PCDHGA9: variants seen among roughly 807,000 people sequenced by gnomAD.
The protein encoded by PCDHGA9 is protocadherin gamma subfamily A, 9.
A neutral mutation model predicts 62.5 loss-of-function variants in PCDHGA9; 37 were observed. The ratio of observed to expected loss-of-function variants is 0.59; its 90% CI spans 0.46 to 0.78. The LOEUF is 0.78. Among genes scored for constraint, PCDHGA9 ranks in the 30% least tolerant of loss-of-function variants. The pLI is 0.00. For synonymous variants in PCDHGA9, 459 were observed against 484.6 expected, an observed-to-expected ratio of 0.95 and a Z score of 0.69; for missense variants, 1,138 against 1,166.2, an observed-to-expected ratio of 0.98 and a Z score of 0.35.
intron 1 of PCDHGA9, among the ~76,000 whole-genome samples, chr5:141,457,984 A>G (rs1210742359): frequency 2.0e-5 from 3 of 152,226 alleles, no homozygotes; most frequent in Non-Finnish European, 1.5e-5. Context: ...ACACCCTTTC[A>G]GTTAAAGCCT....
chr5:141,418,821 C>G (rs750200042), intron 1 of PCDHGA9: 1 of 1,613,846 alleles, frequency 6.2e-7, no homozygotes, highest in Non-Finnish European at 8.5e-7. Flanking sequence ...AACATAGAAG[C>G]AAAAGACCGA....
chr5:141,442,898 TCTC>T (rs1427810429), intron 1 of PCDHGA9, among the ~76,000 whole-genome samples: 14 of 152,222 alleles, frequency 9.2e-5, no homozygotes, highest in Admixed American at 9.2e-4. Context: ...GCTTATCACT[TCTC>T]CTTCAGCACA....
chr5:141,410,714 T>C (rs1561730445), intron 1 of PCDHGA9: 7 of 1,434,512 alleles, frequency 4.9e-6, no homozygotes, highest in Middle Eastern at 1.8e-4. Flanking sequence ...TAGAATCATA[T>C]GTTTAAAATC....
At position 141,511,520 on chromosome 5, in the gene PCDHGA9, A is replaced by C; in HGVS notation, c.*347A>C. On this transcript the variant is annotated 3_prime_UTR_variant, in exon 4 of 4. Coordinates refer to ENST00000573521, the MANE Select transcript of PCDHGA9 (RefSeq NM_018921.3). Reference sequence around the variant, plus strand: ...CAAATCAATCAGGCCCATCCATCCCATGCCTCCCTCCTCCCCACCCCACTC... The same window carrying C: ...CAAATCAATCAGGCCCATCCATCCCCTGCCTCCCTCCTCCCCACCCCACTC... The C allele has an allele frequency of 2.8e-6, 1 of 358,498 alleles. No homozygotes were observed. Among genetic ancestry groups the C allele is most frequent in the Non-Finnish European group, 5.3e-6 (1 of 189,848 alleles). 22.2% of individuals were successfully genotyped at this position (358,498 alleles called of 1,614,324 possible).
chr5:141,494,996 C>A (rs2099758091), intron 2 of PCDHGA9, 131 bp downstream of exon 2: 2 of 1,539,742 alleles, frequency 1.3e-6, no homozygotes, highest in African/African-American at 1.4e-5. Context: ...CCAGGGAGGT[C>A]TTGGTGTGCG....
intron 1 of PCDHGA9, among the ~76,000 whole-genome samples, chr5:141,466,570 T>C (rs967163331): frequency 6.6e-6 from 1 of 152,202 alleles, no homozygotes; most frequent in East Asian, 1.9e-4. Flanking sequence ...TCTTCAACAT[T>C]GTCTCATCCC....
intron 1 of PCDHGA9, chr5:141,413,874 T>C: frequency 6.2e-7 from 1 of 1,613,424 alleles, no homozygotes; most frequent in Non-Finnish European, 8.5e-7. Context: ...TCCTTGTCAG[T>C]GTGACTGTCT....
intron 1 of PCDHGA9, chr5:141,413,141 G>A: frequency 1.3e-6 from 2 of 1,564,906 alleles, no homozygotes; most frequent in Non-Finnish European, 1.7e-6. Context: ...AACGTGTCCA[G>A]TGAGGACTTT....
intron 1 of PCDHGA9, among the ~76,000 whole-genome samples, chr5:141,492,482 A>G (rs1339196127): frequency 6.6e-6 from 1 of 152,182 alleles, no homozygotes; most frequent in Non-Finnish European, 1.5e-5. Context: ...GCGGCCGCCC[A>G]GGACCAGGCG....
intron 1 of PCDHGA9, chr5:141,414,628 A>T (rs1471507988): frequency 4.3e-6 from 7 of 1,613,900 alleles, no homozygotes; most frequent in Non-Finnish European, 5.9e-6. Flanking sequence ...GGACCCGGAC[A>T]GCAAAGAGAA....
chr5:141,417,704 A>G, intron 1 of PCDHGA9: 2 of 1,207,460 alleles, frequency 1.7e-6, no homozygotes, highest in Non-Finnish European at 1.1e-6. Context: ...GCTCCCACAC[A>G]GAGGCTCCCG....
At chr5:141,500,145 T>C (rs2099796736) in intron 2 of PCDHGA9, among the ~76,000 whole-genome samples, 2 of 151,992 alleles carry the variant, frequency 1.3e-5, no homozygotes, top group East Asian at 3.9e-4. Context: ...TAAACTTTTC[T>C]TTGTGTAATC....
Position 141,486,772 on chromosome 5 carries a change from T to A in PCDHGA9, c.2425-8035T>A. ...ATGAGCAAACCCAGACACTGCAGTT[T>A]GAGGTGCAGGCCCGGGATCGGGGCA... is the stretch of plus-strand genomic sequence containing the variant. On this transcript the variant is annotated intron_variant, in intron 1 of 3. Coordinates refer to ENST00000573521, the MANE Select transcript of PCDHGA9 (RefSeq NM_018921.3). The surrounding 1 kb of genome is among the most constrained non-coding windows in gnomAD (Gnocchi z 5.0). 1 of 1,614,246 alleles carries A rather than the reference T, an allele frequency of 6.2e-7. No homozygotes were observed. Among genetic ancestry groups the A allele is most frequent in the South Asian group, 1.1e-5 (1 of 91,088 alleles).
At chr5:141,481,180 T>C (rs1354907506) in intron 1 of PCDHGA9, among the ~76,000 whole-genome samples, 1 of 152,236 alleles carries the variant, frequency 6.6e-6, no homozygotes, top group Admixed American at 6.5e-5. Flanking sequence ...CCAGCTTTAT[T>C]GGGCCAGGCC....
chr5:141,473,382 C>A (rs780229708), intron 1 of PCDHGA9, among the ~76,000 whole-genome samples: 12 of 152,190 alleles, frequency 7.9e-5, no homozygotes, highest in Non-Finnish European at 1.8e-4. Context: ...TGGTCCCTGC[C>A]CTCCTGGAGC....
chr5:141,494,677 TGCCCCCTCTTA>T, intron 1 of PCDHGA9, 119 bp from the exon 2 acceptor site: 5 of 1,552,906 alleles, frequency 3.2e-6, no homozygotes, highest in Non-Finnish European at 4.4e-6. Flanking sequence ...AGTCCACCCC[TGCCCCCTCTTA>T]GTCCGTTTTC....
intron 1 of PCDHGA9, among the ~76,000 whole-genome samples, chr5:141,447,047 T>C (rs529082157): frequency 1.3e-5 from 2 of 152,342 alleles, no homozygotes; most frequent in African/African-American, 4.8e-5. Flanking sequence ...TCTGGAATTC[T>C]ATTAAAATGT....
chr5:141,499,223 C>T (rs1478344280), intron 2 of PCDHGA9, among the ~76,000 whole-genome samples: 2 of 152,112 alleles, frequency 1.3e-5, no homozygotes, highest in African/African-American at 4.8e-5. Context: ...CCCTGCCCTG[C>T]AGCTGTCCCC....
At chr5:141,479,561 G>A (rs1032137833) in intron 1 of PCDHGA9, 1 of 152,270 alleles carries the variant, frequency 6.6e-6, no homozygotes, top group African/African-American at 2.4e-5. Context: ...CTATCCAGTA[G>A]TGGGATGACA....
Sources: gnomAD v4.1 joint callset for allele counts (sites outside exome capture counted in the v4.1 genomes callset) on GRCh38, gnomAD v4.1.1 for gene constraint, Gnocchi (gnomAD v3.1) non-coding constraint, MANE v1.5 for transcripts, NCBI Gene and HGNC (gene_info 2026-07-23, HGNC 2026-07-21) for gene names.